The following TTBK2 variants were observed in gnomAD, a reference collection of about 807,000 sequenced individuals.
TTBK2 encodes tau tubulin kinase 2, also known as tau-tubulin kinase 2.
TTBK2 carries 28 observed loss-of-function variants against 110.8 expected under a neutral mutation model. The observed-to-expected ratio is 0.25, with a 90% CI of 0.19 to 0.35. The LOEUF (loss-of-function observed/expected upper bound fraction) is 0.35. Ranked by LOEUF, TTBK2 falls within the 10% of genes least tolerant of loss-of-function variation. TTBK2 has a pLI of 1.00. For synonymous variants in TTBK2, 532 were observed against 527.3 expected (o/e 1.01, Z -0.12); for missense variants, 1,369 against 1,500.3 (o/e 0.91, Z 1.45).
intron 3 of TTBK2, 144 bp from the exon 4 acceptor site, chr15:42,840,577 A>T (rs1158787688): frequency 2.5e-6 from 2 of 794,550 alleles, no homozygotes; most frequent in East Asian, 5.1e-5. Flanking sequence ...ATATTATTCA[A>T]ATTTTCTACC....
rs1567009088 is a variant in TTBK2 at position 42,763,186 on chromosome 15, ATATATATTTTTTTTTTTTTTTTT to A, written c.1999-9962_1999-9940del. 4.2e-3 allele frequency among the ~76,000 whole-genome samples: 103 copies of A among 24,360 alleles called. 1 individual carries two copies. The highest frequency in any genetic ancestry group is 0.021 in the African/African-American group (96 of 4,640). 16.0% of individuals were successfully genotyped at this position (24,360 alleles called of 152,430 possible). A position where few individuals can be genotyped will look rare whatever the true frequency, so the allele number is the denominator to read the frequency against. On this transcript the variant is annotated intron_variant, in intron 13 of 14. Coordinates refer to ENST00000267890, the MANE Select transcript of TTBK2 (RefSeq NM_173500.4). The stretch of plus-strand genomic sequence containing the variant: ...TATATATATATATATATATATATAT[ATATATATTTTTTTTTTTTTTTTT>A]TTTTTTTTTTTTTTTTTTTTTTTGA...
At chr15:42,839,226 G>T (rs936577158) in intron 4 of TTBK2, among the ~76,000 whole-genome samples, 10 of 152,086 alleles carry the variant, frequency 6.6e-5, no homozygotes, top group Admixed American at 6.5e-4. Context: ...GCATTAATTT[G>T]CTTAGGATAA....
intron 4 of TTBK2, among the ~76,000 whole-genome samples, chr15:42,832,136 G>A (rs534632905): frequency 2.6e-5 from 4 of 152,082 alleles, no homozygotes; most frequent in South Asian, 4.1e-4. Flanking sequence ...CACCTGTAGC[G>A]AACGTTAAAT....
chr15:42,820,710 A>AG (rs1892252597), intron 6 of TTBK2, among the ~76,000 whole-genome samples: 1 of 152,112 alleles, frequency 6.6e-6, no homozygotes, highest in Non-Finnish European at 1.5e-5. Context: ...CAAAAAAAAA[A>AG]AGGGGTCGGG....
chr15:42,858,310 C>T (rs895022658), intron 3 of TTBK2, among the ~76,000 whole-genome samples: 13 of 151,950 alleles, frequency 8.6e-5, no homozygotes, highest in Admixed American at 6.6e-5. Context: ...AACAAAGGAG[C>T]CCCCATTTGT....
At chr15:42,774,114 C>A (rs1037063874) in intron 13 of TTBK2, among the ~76,000 whole-genome samples, 1 of 152,176 alleles carries the variant, frequency 6.6e-6, no homozygotes, top group East Asian at 1.9e-4. Context: ...CAGAACTGTA[C>A]ACAAAATGTA....
Position 42,739,142 on chromosome 15 carries a change from G to A in TTBK2, c.*6653C>T, listed in dbSNP as rs1340667225. 1 of 152,156 alleles carries A rather than the reference G, an allele frequency of 6.6e-6. No homozygotes were observed. The highest frequency in any genetic ancestry group is 1.5e-5 in the Non-Finnish European group (1 of 68,032). The allele number at this position is 152,156 out of a possible 1,614,324, so 9.4% of individuals were successfully genotyped here. On this transcript the variant is annotated 3_prime_UTR_variant, in exon 15 of 15. Transcript: ENST00000267890. ...GGTGGCCTATACAAAAGCACTCCAT[G>A]TTTCTGCCGATACTCTGTCCTTGGT...
chr15:42,773,877 G>T (rs866147125), intron 13 of TTBK2, among the ~76,000 whole-genome samples: 1 of 152,174 alleles, frequency 6.6e-6, no homozygotes, highest in Non-Finnish European at 1.5e-5. Flanking sequence ...ATTTGGAAAA[G>T]AATGCCCTTC....
chr15:42,840,234 A>G, intron 4 of TTBK2, 126 bp downstream of exon 4: 1 of 880,122 alleles, frequency 1.1e-6, no homozygotes, highest in East Asian at 2.4e-5. Context: ...ATACAGTTCC[A>G]TCTGCATAGT....
intron 1 of TTBK2, among the ~76,000 whole-genome samples, chr15:42,887,281 G>A (rs1333507908): frequency 6.6e-6 from 1 of 152,054 alleles, no homozygotes; most frequent in Non-Finnish European, 1.5e-5. Flanking sequence ...CTATTCCCGG[G>A]CTATAGCCAC....
rs185794962 is a variant in TTBK2, at chr15:42,816,782, G to C, written c.603+250C>G. Among the ~76,000 whole-genome samples, 559 of 151,946 alleles carry C rather than the reference G, an allele frequency of 3.7e-3. 2 individuals carry two copies. Among genetic ancestry groups the C allele is most frequent in the African/African-American group, 0.013 (534 of 41,432 alleles). Reference sequence around the variant, plus strand: ...AAAATACAAAAAATTAGCTGGGCGTGGTGGCGGGCACCTGTAATTCCAGCT... The same window carrying C: ...AAAATACAAAAAATTAGCTGGGCGTCGTGGCGGGCACCTGTAATTCCAGCT... On this transcript the variant is annotated intron_variant, in intron 7 of 14. Coordinates refer to ENST00000267890, the MANE Select transcript of TTBK2 (RefSeq NM_173500.4).
chr15:42,919,676 A>C, intron 1 of TTBK2: 1 of 345,668 alleles, frequency 2.9e-6, no homozygotes, highest in Non-Finnish European at 4.1e-6. Flanking sequence ...TTCTAAAGCG[A>C]TGAGAGAGAA....
intron 9 of TTBK2, among the ~76,000 whole-genome samples, chr15:42,795,356 TTC>T (rs987780014): frequency 5.3e-5 from 8 of 152,288 alleles, no homozygotes; most frequent in South Asian, 2.1e-4. Flanking sequence ...TTGATTTATA[TTC>T]TGTTAGTTTG....
At chr15:42,787,697 T>C (rs1890467794) in intron 10 of TTBK2, among the ~76,000 whole-genome samples, 1 of 152,254 alleles carries the variant, frequency 6.6e-6, no homozygotes. Context: ...CCTTGTTTAA[T>C]GCCATAGGTT....
intron 3 of TTBK2, among the ~76,000 whole-genome samples, chr15:42,860,542 C>T (rs956979736): frequency 6.6e-6 from 1 of 151,500 alleles, no homozygotes; most frequent in African/African-American, 2.4e-5. Context: ...AGCCCAGGAG[C>T]TCAAGACCAA....
At position 42,853,727 on chromosome 15, in the gene TTBK2, C is replaced by T. The variant is rs532994861; in HGVS notation, c.218-13294G>A. On this transcript the variant is annotated intron_variant, in intron 3 of 14. Coordinates refer to ENST00000267890, the MANE Select transcript of TTBK2 (RefSeq NM_173500.4). ...TCGTCAGATTGAACATACTATGGAG[C>T]GAACACACATAAGAATAAACGAGCA... 5.3e-5 allele frequency among the ~76,000 whole-genome samples: 8 copies of T among 151,984 alleles called. No individual in the cohort carries two copies. The South Asian group carries it at 6.2e-4, about 12-fold the overall frequency.
intron 1 of TTBK2, among the ~76,000 whole-genome samples, chr15:42,914,373 T>A (rs1340458835): frequency 6.6e-6 from 1 of 152,144 alleles, no homozygotes; most frequent in Non-Finnish European, 1.5e-5. Flanking sequence ...ATTTAATGAA[T>A]CACCGATAAG....
intron 11 of TTBK2, among the ~76,000 whole-genome samples, chr15:42,780,555 G>C (rs1890139762): frequency 6.6e-6 from 1 of 151,810 alleles, no homozygotes. Context: ...TAAATCCCCA[G>C]TAAGTACAAA....
chr15:42,871,505 C>G, intron 3 of TTBK2: 1 of 985,344 alleles, frequency 1.0e-6, no homozygotes, highest in South Asian at 4.7e-5. Flanking sequence ...CCACACCAAG[C>G]TGATGCTGAC....
Sources: allele counts gnomAD v4.1 joint callset (sites outside exome capture counted in the v4.1 genomes callset), GRCh38; gene constraint gnomAD v4.1.1; transcripts MANE v1.5; gene names NCBI Gene and HGNC (gene_info 2026-07-23, HGNC 2026-07-21).